The following ASTN2 variants were observed in gnomAD, a reference collection of about 807,000 sequenced individuals.
ASTN2 encodes astrotactin 2.
A neutral mutation model predicts 139.8 loss-of-function variants in ASTN2; 54 were observed. The ratio of observed to expected loss-of-function variants is 0.39; its 90% CI spans 0.31 to 0.48. ASTN2 has a LOEUF of 0.48. Ranked by LOEUF, ASTN2 falls within the 20% of genes least tolerant of loss-of-function variation. The pLI is 0.95. For synonymous variants in ASTN2, 756 were observed against 719.5 expected (o/e 1.05, Z -0.81); for missense variants, 1,565 against 1,725.1 (o/e 0.91, Z 1.64).
At chr9:117,065,646 G>A (rs1827913453) in intron 5 of ASTN2, among the ~76,000 whole-genome samples, 1 of 152,194 alleles carries the variant, frequency 6.6e-6, no homozygotes, top group African/African-American at 2.4e-5. Context: ...TACAGGTGTT[G>A]AGGAAATGTC....
intron 13 of ASTN2, among the ~76,000 whole-genome samples, chr9:116,768,085 T>A (rs972271900): frequency 2.0e-5 from 3 of 152,128 alleles, no homozygotes; most frequent in African/African-American, 7.2e-5. Context: ...AGTAGGGAAG[T>A]CATACAAGTA....
chr9:116,678,455 C>G (rs1417432798), intron 16 of ASTN2, among the ~76,000 whole-genome samples: 1 of 152,152 alleles, frequency 6.6e-6, no homozygotes, highest in Non-Finnish European at 1.5e-5. Flanking sequence ...AACAGTTTTA[C>G]ATATAAGGTG....
chr9:116,912,967 C>T (rs904166402), intron 10 of ASTN2, among the ~76,000 whole-genome samples: 17 of 151,410 alleles, frequency 1.1e-4, no homozygotes, highest in African/African-American at 3.4e-4. Context: ...GGTGTGATCT[C>T]GGCTCGGCTC....
chr9:117,073,191 G>T (rs535865238), intron 5 of ASTN2, among the ~76,000 whole-genome samples: 1 of 151,792 alleles, frequency 6.6e-6, no homozygotes, highest in African/African-American at 2.4e-5. Flanking sequence ...CACCCCCCTT[G>T]CTGGTATGCA....
chr9:116,583,615 G>A (rs1854036303), intron 19 of ASTN2: 1 of 151,768 alleles, frequency 6.6e-6, no homozygotes, highest in Non-Finnish European at 1.5e-5. Flanking sequence ...GTGAAACAGA[G>A]CCTGAGAGGA....
chr9:116,950,753 T>A (rs375062006), intron 10 of ASTN2, among the ~76,000 whole-genome samples: 1 of 152,254 alleles, frequency 6.6e-6, no homozygotes, highest in East Asian at 1.9e-4. Flanking sequence ...TAGGGAAAAT[T>A]AGGTTACTAA....
intron 20 of ASTN2, among the ~76,000 whole-genome samples, chr9:116,458,593 T>C (rs189211527): frequency 4.6e-5 from 7 of 152,116 alleles, no homozygotes; most frequent in Non-Finnish European, 1.5e-5. Context: ...TGTATTTCTA[T>C]TTACTAGCAA....
chr9:116,713,486 G>A (rs1366045154), intron 16 of ASTN2, among the ~76,000 whole-genome samples: 1 of 152,116 alleles, frequency 6.6e-6, no homozygotes, highest in Non-Finnish European at 1.5e-5. Context: ...GGAAACAAGG[G>A]TCTAGAGCCT....
intron 16 of ASTN2, among the ~76,000 whole-genome samples, chr9:116,681,922 C>T (rs1026730078): frequency 3.3e-5 from 5 of 151,108 alleles, no homozygotes; most frequent in Non-Finnish European, 7.4e-5. Flanking sequence ...CATAAAAACC[C>T]TAGAAGAAAA....
intron 2 of ASTN2, among the ~76,000 whole-genome samples, chr9:117,290,529 C>T (rs1834562067): frequency 6.6e-6 from 1 of 152,212 alleles, no homozygotes; most frequent in Non-Finnish European, 1.5e-5. Context: ...CCTCTCTCTG[C>T]AAACATGTGG....
intron 6 of ASTN2, among the ~76,000 whole-genome samples, chr9:117,038,767 C>G (rs1490810523): frequency 6.6e-6 from 1 of 152,128 alleles, no homozygotes; most frequent in Non-Finnish European, 1.5e-5. Flanking sequence ...GAAACAGACG[C>G]CAACATATCC....
At chr9:117,246,579 A>C (rs1016373723) in intron 2 of ASTN2, among the ~76,000 whole-genome samples, 1 of 152,232 alleles carries the variant, frequency 6.6e-6, no homozygotes, top group African/African-American at 2.4e-5. Flanking sequence ...CCATTCAATA[A>C]CTTCCTGCTG....
At chr9:117,231,915 T>G (rs184641184) in intron 2 of ASTN2, among the ~76,000 whole-genome samples, 16 of 152,330 alleles carry the variant, frequency 1.1e-4, no homozygotes, top group Non-Finnish European at 1.8e-4. Flanking sequence ...TGACTTGGGC[T>G]GTCAGAGGGC....
At chr9:116,804,039 A>C (rs1830967099) in intron 13 of ASTN2, among the ~76,000 whole-genome samples, 1 of 151,940 alleles carries the variant, frequency 6.6e-6, no homozygotes, top group Admixed American at 6.6e-5. Flanking sequence ...TGCCAACGAT[A>C]CCTAAAGTGT....
At chr9:117,122,099 A>T (rs1031140547) in intron 4 of ASTN2, among the ~76,000 whole-genome samples, 2 of 152,198 alleles carry the variant, frequency 1.3e-5, no homozygotes, top group Admixed American at 1.3e-4. Flanking sequence ...TCCAATCAGG[A>T]GACACACAAT....
intron 19 of ASTN2, among the ~76,000 whole-genome samples, chr9:116,510,798 CTGTT>C (rs764947242): frequency 7.2e-5 from 11 of 152,218 alleles, no homozygotes; most frequent in African/African-American, 2.6e-4. Flanking sequence ...ATTTGGCTCT[CTGTT>C]TGTCTGTTAT....
intron 16 of ASTN2, 147 bp downstream of exon 16, chr9:116,725,624 C>G: frequency 2.6e-6 from 2 of 764,180 alleles, no homozygotes; most frequent in Middle Eastern, 4.0e-4. Context: ...AACTGAAGCT[C>G]AGAGAGAGGC....
intron 19 of ASTN2, among the ~76,000 whole-genome samples, chr9:116,597,297 C>CTTT (rs1457732724): frequency 1.8e-5 from 1 of 56,374 alleles, no homozygotes; most frequent in East Asian, 1.0e-3. Flanking sequence ...GACTTTTGAT[C>CTTT]TATTTTTTTT....
intron 10 of ASTN2, among the ~76,000 whole-genome samples, chr9:116,952,875 A>T (rs756644059): frequency 9.9e-5 from 15 of 152,182 alleles, no homozygotes; most frequent in Non-Finnish European, 2.1e-4. Context: ...CTCTGAAAAC[A>T]AGGGACATTT....
Sources: gnomAD v4.1 joint callset for allele counts (sites outside exome capture counted in the v4.1 genomes callset) on GRCh38, gnomAD v4.1.1 for gene constraint, MANE v1.5 for transcripts, NCBI Gene and HGNC (gene_info 2026-07-23, HGNC 2026-07-21) for gene names.